The following ATP2B2 variants were observed in gnomAD, a reference collection of about 807,000 sequenced individuals.
The protein encoded by ATP2B2 is ATPase plasma membrane Ca2+ transporting 2.
ATP2B2 carries 15 observed loss-of-function variants against 120.0 expected under a neutral mutation model. The observed-to-expected ratio is 0.12, with a 90% CI of 0.08 to 0.19. The LOEUF (loss-of-function observed/expected upper bound fraction) is 0.19, where lower values mean the gene tolerates loss of function less well. Among genes scored for constraint, ATP2B2 ranks in the 10% least tolerant of loss-of-function variants. ATP2B2 has a pLI of 1.00. For synonymous variants in ATP2B2, 694 were observed against 700.3 expected (o/e 0.99, Z 0.14); for missense variants, 1,045 against 1,719.8 (o/e 0.61, Z 6.94).
chr3:10,440,460 A>G (rs1378435093), intron 2 of ATP2B2, among the ~76,000 whole-genome samples: 2 of 152,158 alleles, frequency 1.3e-5, no homozygotes, highest in Non-Finnish European at 2.9e-5. Flanking sequence ...ACAAAAATGA[A>G]TCTGTAGTTC....
intron 2 of ATP2B2, among the ~76,000 whole-genome samples, chr3:10,535,249 T>C (rs1399331310): frequency 4.6e-5 from 7 of 152,108 alleles, no homozygotes; most frequent in Admixed American, 4.6e-4. Context: ...TCAAAAGAAA[T>C]TGCAAAGAAA....
At chr3:10,481,885 C>T (rs1021505247) in intron 1 of ATP2B2, among the ~76,000 whole-genome samples, 1 of 152,138 alleles carries the variant, frequency 6.6e-6, no homozygotes, top group African/African-American at 2.4e-5. Context: ...ACACTTACAC[C>T]CACTATGATG....
intron 2 of ATP2B2, among the ~76,000 whole-genome samples, chr3:10,560,932 A>G (rs2067890503): frequency 6.6e-6 from 1 of 152,076 alleles, no homozygotes; most frequent in African/African-American, 2.4e-5. Context: ...TTCCCACCCC[A>G]GGACCTATGT....
chr3:10,455,463 G>T (rs1216223499), intron 1 of ATP2B2, among the ~76,000 whole-genome samples: 1 of 152,248 alleles, frequency 6.6e-6, no homozygotes, highest in Non-Finnish European at 1.5e-5. Flanking sequence ...GGCTTCCTCT[G>T]TAAAGTGGGG....
chr3:10,355,205 C>T (rs1332926099), intron 14 of ATP2B2, among the ~76,000 whole-genome samples: 1 of 152,196 alleles, frequency 6.6e-6, no homozygotes. Context: ...TCACCTGTAA[C>T]CCTGCTGTGT....
intron 1 of ATP2B2, among the ~76,000 whole-genome samples, chr3:10,656,517 T>A (rs2070632012): frequency 1.3e-5 from 2 of 152,288 alleles, no homozygotes; most frequent in South Asian, 4.1e-4. Flanking sequence ...TTTCACCACC[T>A]CACCCTGGCT....
At chr3:10,623,378 A>G (rs923737567) in intron 1 of ATP2B2, among the ~76,000 whole-genome samples, 5 of 152,214 alleles carry the variant, frequency 3.3e-5, no homozygotes, top group African/African-American at 7.2e-5. Flanking sequence ...TTCTTGATCA[A>G]CAACCAAACA....
chr3:10,673,508 G>A (rs1447813378), intron 1 of ATP2B2, among the ~76,000 whole-genome samples: 1 of 151,986 alleles, frequency 6.6e-6, no homozygotes, highest in African/African-American at 2.4e-5. Context: ...CAGAGAGAGA[G>A]AGAGAGAGAG....
intron 3 of ATP2B2, among the ~76,000 whole-genome samples, chr3:10,532,032 T>G (rs937518723): frequency 1.3e-5 from 2 of 151,812 alleles, no homozygotes; most frequent in East Asian, 3.9e-4. Context: ...TCTGGCCCTT[T>G]CTGATGTGCC....
At chr3:10,553,738 G>A (rs1408451992) in intron 2 of ATP2B2, among the ~76,000 whole-genome samples, 1 of 152,152 alleles carries the variant, frequency 6.6e-6, no homozygotes, top group Non-Finnish European at 1.5e-5. Context: ...TTTAGTGCCT[G>A]CAGCTCTCTG....
At chr3:10,512,444 C>T in intron 3 of ATP2B2, among the ~76,000 whole-genome samples, 1 of 141,442 alleles carries the variant, frequency 7.1e-6, no homozygotes, top group African/African-American at 2.7e-5. Flanking sequence ...GAGCATATTC[C>T]TGGGTGCTAA....
At chr3:10,703,928 T>C (rs565745994) in intron 1 of ATP2B2, among the ~76,000 whole-genome samples, 1 of 152,282 alleles carries the variant, frequency 6.6e-6, no homozygotes, top group Non-Finnish European at 1.5e-5. Context: ...ACCATACTAC[T>C]AGGAACAGCC....
At chr3:10,565,238 A>C (rs1453256586) in intron 2 of ATP2B2, among the ~76,000 whole-genome samples, 1 of 152,140 alleles carries the variant, frequency 6.6e-6, no homozygotes, top group African/African-American at 2.4e-5. Flanking sequence ...AAAGTTTTCT[A>C]CCCTGCTATT....
rs2059874048 is a variant in ATP2B2 at position 10,327,270 on chromosome 3, G to C, written c.*1544C>G. On this transcript the variant is annotated 3_prime_UTR_variant, in exon 23 of 23. Transcript: ENST00000360273. ...TCACCTGTGATACTGTAGGGTTTCA[G>C]AATGGCTTTCTGTTTGGGAAAGCAA... 6.4e-6 allele frequency: 1 copy of C among 156,470 alleles called. No homozygotes were observed. Among genetic ancestry groups the C allele is most frequent in the Non-Finnish European group, 1.4e-5 (1 of 70,822 alleles). 9.7% of individuals were successfully genotyped at this position (156,470 alleles called of 1,614,324 possible).
intron 12 of ATP2B2, among the ~76,000 whole-genome samples, chr3:10,363,633 C>T (rs777561770): frequency 6.6e-6 from 1 of 151,960 alleles, no homozygotes; most frequent in African/African-American, 2.4e-5. Context: ...AAGAGCTACA[C>T]GTTACGGATA....
At chr3:10,403,468 T>C (rs1218880841) in intron 3 of ATP2B2, among the ~76,000 whole-genome samples, 8 of 152,244 alleles carry the variant, frequency 5.3e-5, no homozygotes, top group Admixed American at 5.2e-4. Flanking sequence ...AGGCAGATCC[T>C]ACTCATGCAG....
chr3:10,410,562 C>A lies in ATP2B2; in HGVS notation c.397+56G>T, dbSNP rs1211467939. The A allele has an allele frequency of 3.9e-6, 6 of 1,527,300 alleles. No individual in the cohort carries two copies. The East Asian group carries it at 1.4e-4, about 35-fold the overall frequency. The allele number at this position is 1,527,300 out of a possible 1,614,324, so 94.6% of individuals were successfully genotyped here. ...TGTGTGAGCCGTGAGTGCCCCCCAG[C>A]GTGGATGCGGTGGCCAGGTGTGCGG... On this transcript the variant is annotated intron_variant, in intron 3 of 22. Transcript: ENST00000360273.
chr3:10,494,264 T>C (rs905140221), intron 1 of ATP2B2, among the ~76,000 whole-genome samples: 1 of 152,144 alleles, frequency 6.6e-6, no homozygotes, highest in Non-Finnish European at 1.5e-5. Flanking sequence ...ATAGCTGATT[T>C]TTTCATAGAG....
chr3:10,556,644 G>C (rs2067786067), intron 2 of ATP2B2, among the ~76,000 whole-genome samples: 1 of 152,240 alleles, frequency 6.6e-6, no homozygotes, highest in Non-Finnish European at 1.5e-5. Context: ...GGTGGGGTGT[G>C]CCTGGCGTGT....
Sources: gnomAD v4.1 joint callset for allele counts (sites outside exome capture counted in the v4.1 genomes callset) on GRCh38, gnomAD v4.1.1 for gene constraint, MANE v1.5 for transcripts, NCBI Gene and HGNC (gene_info 2026-07-23, HGNC 2026-07-21) for gene names.